TRIM24: variants seen among roughly 807,000 people sequenced by gnomAD.
TRIM24 encodes tripartite motif containing 24.
A neutral mutation model predicts 123.9 loss-of-function variants in TRIM24; 29 were observed. The ratio of observed to expected loss-of-function variants is 0.23; its 90% CI spans 0.17 to 0.32. The LOEUF (loss-of-function observed/expected upper bound fraction) is 0.32. Among genes scored for constraint, TRIM24 ranks in the 10% least tolerant of loss-of-function variants. The pLI is 1.00. For missense variants in TRIM24, 932 were observed against 1,295.3 expected (o/e 0.72, Z 4.31); for synonymous variants, 456 against 461.1 (o/e 0.99, Z 0.14).
chr7:138,543,612 A>ATTT, intron 7 of TRIM24, among the ~76,000 whole-genome samples: 2 of 152,190 alleles, frequency 1.3e-5, no homozygotes, highest in African/African-American at 4.8e-5. Flanking sequence ...GCTATTTTAA[A>ATTT]AAATTTATTT....
intron 1 of TRIM24, among the ~76,000 whole-genome samples, chr7:138,485,515 C>G (rs1795624961): frequency 1.3e-5 from 2 of 152,144 alleles, no homozygotes; most frequent in Non-Finnish European, 2.9e-5. Context: ...CCCCTCACCC[C>G]ATGACAGTCC....
intron 1 of TRIM24, among the ~76,000 whole-genome samples, chr7:138,480,691 G>A (rs998057205): frequency 2.6e-5 from 4 of 152,016 alleles, no homozygotes; most frequent in African/African-American, 7.2e-5. Context: ...GAAGGTGAAC[G>A]CTCAAGTTAA....
chr7:138,486,781 G>A (rs1340976306), intron 1 of TRIM24, among the ~76,000 whole-genome samples: 2 of 152,138 alleles, frequency 1.3e-5, no homozygotes, highest in Non-Finnish European at 2.9e-5. Context: ...GATGCCTCCA[G>A]CTTTGTTCTT....
intron 4 of TRIM24, among the ~76,000 whole-genome samples, chr7:138,522,708 C>T (rs1312065484): frequency 6.6e-6 from 1 of 151,732 alleles, no homozygotes; most frequent in Non-Finnish European, 1.5e-5. Context: ...AGGAAATGCA[C>T]ACTGAATTAT....
intron 2 of TRIM24, among the ~76,000 whole-genome samples, chr7:138,509,051 C>T (rs1350172145): frequency 1.3e-5 from 2 of 151,914 alleles, no homozygotes; most frequent in Non-Finnish European, 2.9e-5. Context: ...CAGGTTCAAG[C>T]GATTTTCCTG....
chr7:138,501,522 C>A (rs764271284), intron 1 of TRIM24, among the ~76,000 whole-genome samples: 1 of 152,082 alleles, frequency 6.6e-6, no homozygotes, highest in African/African-American at 2.4e-5. Flanking sequence ...TGAGCCACCA[C>A]ACCCGGCCTT....
In TRIM24 at chr7:138,584,963, A is replaced by G. The variant is rs1797982991; in HGVS notation, c.*12A>G. The G allele has an allele frequency of 6.3e-7, 1 of 1,582,750 alleles. No individual in the cohort carries two copies. The highest frequency in any genetic ancestry group is 1.4e-5 in the African/African-American group (1 of 73,050). On this transcript the variant is annotated 3_prime_UTR_variant, in exon 19 of 19. Coordinates refer to ENST00000343526, the MANE Select transcript of TRIM24 (RefSeq NM_015905.3). ...AGTTGCTTAAATAATATGCAGCACC[A>G]CTAGCTTGTGCTGGTTTTTAGATTT...
intron 1 of TRIM24, among the ~76,000 whole-genome samples, chr7:138,473,086 T>C (rs111312374): frequency 0.021 from 3,207 of 152,096 alleles, 93 homozygotes; most frequent in African/African-American, 0.07. Context: ...TCGAGACCAG[T>C]CTGGCCAACA....
intron 6 of TRIM24, among the ~76,000 whole-genome samples, chr7:138,538,321 A>G (rs909110396): frequency 6.6e-6 from 1 of 152,210 alleles, no homozygotes; most frequent in Non-Finnish European, 1.5e-5. Flanking sequence ...TGGACAGTAC[A>G]TCTGTTTTAT....
At chr7:138,515,784 AT>A (rs1796381981) in intron 3 of TRIM24, among the ~76,000 whole-genome samples, 1 of 152,000 alleles carries the variant, frequency 6.6e-6, no homozygotes, top group Admixed American at 6.6e-5. Context: ...TGTAATTATT[AT>A]TTCCAGTTTT....
chr7:138,490,828 A>G, intron 1 of TRIM24: 1 of 462,574 alleles, frequency 2.2e-6, no homozygotes, highest in Non-Finnish European at 4.2e-6. Flanking sequence ...ACATCTTTCA[A>G]GTCATTTGTC....
At chr7:138,530,635 A>AT (rs112561681) in intron 6 of TRIM24, among the ~76,000 whole-genome samples, 1,716 of 143,916 alleles carry the variant, frequency 0.012, 37 homozygotes, top group African/African-American at 0.039. Context: ...CCTGGCTAAT[A>AT]TTTTTTTTTT....
chr7:138,568,249 A>G (rs1049425430), intron 10 of TRIM24, among the ~76,000 whole-genome samples: 1 of 151,698 alleles, frequency 6.6e-6, no homozygotes, highest in African/African-American at 2.4e-5. Flanking sequence ...CCTCCTGAGT[A>G]GCTGAGACTA....
chr7:138,573,412 A>ATAAT, intron 11 of TRIM24, 95 bp from the exon 12 acceptor site: 1 of 1,150,822 alleles, frequency 8.7e-7, no homozygotes, highest in African/African-American at 1.7e-5. Context: ...TTATTCGATA[A>ATAAT]TAATTATTAA....
intron 1 of TRIM24, among the ~76,000 whole-genome samples, chr7:138,484,186 C>T (rs771435606): frequency 6.6e-6 from 1 of 151,720 alleles, no homozygotes; most frequent in African/African-American, 2.4e-5. Context: ...CTTGTCTCAC[C>T]TCAACCTCCG....
intron 1 of TRIM24, among the ~76,000 whole-genome samples, chr7:138,480,277 T>C (rs1295960411): frequency 6.6e-6 from 1 of 152,224 alleles, no homozygotes; most frequent in African/African-American, 2.4e-5. Flanking sequence ...CCCACTTTTA[T>C]GTTAACAATT....
At chr7:138,515,421 G>T (rs934589998) in intron 3 of TRIM24, 62 bp downstream of exon 3, 3 of 1,560,462 alleles carry the variant, frequency 1.9e-6, no homozygotes, top group South Asian at 2.3e-5. Context: ...CTTCCTTCCT[G>T]TATTGACTTG....
intron 5 of TRIM24, among the ~76,000 whole-genome samples, chr7:138,528,442 T>C (rs76199867): frequency 0.024 from 3,608 of 152,318 alleles, 139 homozygotes; most frequent in African/African-American, 0.082. Context: ...TGTGCCTGTT[T>C]CTGCCTCTGG....
intron 1 of TRIM24, among the ~76,000 whole-genome samples, chr7:138,469,039 A>G (rs1795212866): frequency 6.6e-6 from 1 of 152,100 alleles, no homozygotes. Context: ...CCTTTTGTCC[A>G]TTGTCTGAAA....
Sources: gnomAD v4.1 joint callset for allele counts (sites outside exome capture counted in the v4.1 genomes callset) on GRCh38, gnomAD v4.1.1 for gene constraint, MANE v1.5 for transcripts, NCBI Gene and HGNC (gene_info 2026-07-23, HGNC 2026-07-21) for gene names.